Variants in ADH1B observed in about 807,000 individuals in gnomAD.
ADH1B encodes the protein alcohol dehydrogenase 1B (class I), beta polypeptide.
In ADH1B, 29 loss-of-function variants were observed where a neutral mutation model predicts 34.6. The observed-to-expected ratio is 0.84, with a 90% CI of 0.62 to 1.14. The LOEUF (loss-of-function observed/expected upper bound fraction) is 1.14. Ranked by LOEUF, ADH1B falls within the 50% of genes most tolerant of loss-of-function variation. The pLI is 0.00. For missense variants in ADH1B, 424 were observed against 468.4 expected, an observed-to-expected ratio of 0.91 and a Z score of 0.87; for synonymous variants, 170 against 175.5, an observed-to-expected ratio of 0.97 and a Z score of 0.25.
At position 99,319,133 on chromosome 4, in the gene ADH1B, C is replaced by G; in HGVS notation, c.19-247G>C. The G allele has an allele frequency of 7.2e-6, 4 of 555,380 alleles. No individual in the cohort carries two copies. In the South Asian group the frequency reaches 8.0e-5, roughly 11 times the overall value. 34.4% of individuals were successfully genotyped at this position (555,380 alleles called of 1,614,324 possible). On this transcript the variant is annotated intron_variant, in intron 1 of 8. Transcript: ENST00000305046. ...ATGGAATATATTTATTTAGGCCATT[C>G]TTATGTTGTTGTTTTTTCTCTGAAG...
chr4:99,315,236 A>C (rs28913925), intron 5 of ADH1B: 1 of 152,972 alleles, frequency 6.5e-6, no homozygotes, highest in Non-Finnish European at 1.5e-5. Flanking sequence ...AAAATAAAGC[A>C]TACTACTAGA....
intron 8 of ADH1B, 53 bp downstream of exon 8, chr4:99,310,712 C>A: frequency 6.3e-7 from 1 of 1,577,142 alleles, no homozygotes. Flanking sequence ...CTCTGCTAGA[C>A]AATCCCCTAT....
chr4:99,308,964 T>C lies in ADH1B; in HGVS notation c.1104-1100A>G, dbSNP rs1733682347. ...CACATGTACCCTAAAACTTAAAGTATAATAATAATAAAATAAATATAAAAA... is the reference window on the plus strand; with the variant it reads ...CACATGTACCCTAAAACTTAAAGTACAATAATAATAAAATAAATATAAAAA... On this transcript the variant is annotated intron_variant, in intron 8 of 8. Coordinates refer to ENST00000305046, the MANE Select transcript of ADH1B (RefSeq NM_000668.6). Among the ~76,000 whole-genome samples the C allele has an allele frequency of 2.6e-5, 4 of 151,924 alleles. 1 individual carries two copies. Among genetic ancestry groups the C allele is most frequent in the African/African-American group, 7.2e-5 (3 of 41,510 alleles).
At chr4:99,314,865 G>A (rs1733838205) in intron 5 of ADH1B, 1 of 152,172 alleles carries the variant, frequency 6.6e-6, no homozygotes, top group African/African-American at 2.4e-5. Flanking sequence ...TTTTTTCTTT[G>A]TGGTTGGCTA....
chr4:99,316,449 A>G (rs550967136), intron 3 of ADH1B, 147 bp from the exon 4 acceptor site: 7 of 856,640 alleles, frequency 8.2e-6, no homozygotes, highest in East Asian at 2.7e-5. Flanking sequence ...TCATCTTTCA[A>G]TGCCTGCCAC....
Position 99,305,501 on chromosome 4 carries a change from C to CATATATAT in ADH1B, c.*2331_*2338dup, listed in dbSNP as rs71996730. ...AGCCAATACTTTCTACACTGGAATA[C>CATATATAT]ATATATATATATATATATATATACA... On this transcript the variant is annotated 3_prime_UTR_variant, in exon 9 of 9. Coordinates refer to ENST00000305046, the MANE Select transcript of ADH1B (RefSeq NM_000668.6). 503 of 94,246 alleles carry CATATATAT rather than the reference C, an allele frequency of 5.3e-3. 19 individuals carry two copies. Among genetic ancestry groups the CATATATAT allele is most frequent in the African/African-American group, 0.017 (360 of 20,822 alleles). The allele number at this position is 94,246 out of a possible 1,614,324, so 5.8% of individuals were successfully genotyped here.
intron 3 of ADH1B, chr4:99,317,411 C>T (rs1346263307): frequency 6.6e-6 from 1 of 152,162 alleles, no homozygotes; most frequent in Non-Finnish European, 1.5e-5. Context: ...TAACCAGTTG[C>T]ATTTAAGCAT....
At chr4:99,310,538 G>T (rs921981583) in intron 8 of ADH1B, among the ~76,000 whole-genome samples, 4 of 152,104 alleles carry the variant, frequency 2.6e-5, no homozygotes, top group Non-Finnish European at 5.9e-5. Flanking sequence ...TGATCATTCA[G>T]ATTTGCAGTA....
rs1007312871 is a variant in ADH1B, at chr4:99,306,159, C to A, written c.*1681G>T. ...TAGCTGGGATTACAGCCACCTGCCA[C>A]CATGCCTGGCAAATTTTTGTATTTT... On this transcript the variant is annotated 3_prime_UTR_variant, in exon 9 of 9. Coordinates refer to ENST00000305046, the MANE Select transcript of ADH1B (RefSeq NM_000668.6). The A allele has an allele frequency of 1.3e-5, 2 of 152,196 alleles. No homozygotes were observed. Among genetic ancestry groups the A allele is most frequent in the Non-Finnish European group, 2.9e-5 (2 of 68,094 alleles). The allele number at this position is 152,196 out of a possible 1,614,324, so 9.4% of individuals were successfully genotyped here.
intron 8 of ADH1B, among the ~76,000 whole-genome samples, chr4:99,309,609 A>T (rs530402819): frequency 6.6e-6 from 1 of 152,288 alleles, no homozygotes; most frequent in South Asian, 2.1e-4. Flanking sequence ...AATGACTGAT[A>T]ACTAACCTTT....
At chr4:99,321,158 G>T (rs1332019764) in intron 1 of ADH1B, among the ~76,000 whole-genome samples, 156 bp downstream of exon 1, 1 of 152,054 alleles carries the variant, frequency 6.6e-6, no homozygotes, top group African/African-American at 2.4e-5. Flanking sequence ...CTGCAGTTCA[G>T]TATACATTAC....
At chr4:99,314,256 A>G in intron 5 of ADH1B, 175 bp from the exon 6 acceptor site, 3 of 1,084,774 alleles carry the variant, frequency 2.8e-6, no homozygotes, top group East Asian at 2.6e-5. Context: ...AAGGGGATGA[A>G]CTAGTTGAGT....
intron 3 of ADH1B, chr4:99,317,797 G>T: frequency 2.0e-6 from 1 of 510,562 alleles, no homozygotes; most frequent in Non-Finnish European, 3.4e-6. Context: ...ATATCTCCAG[G>T]CTCTAACCTG....
At chr4:99,313,600 C>G in intron 6 of ADH1B, 2 of 745,828 alleles carry the variant, frequency 2.7e-6, no homozygotes, top group Non-Finnish European at 2.1e-6. Flanking sequence ...AAACCCTTTT[C>G]TTTTCCTCTA....
In ADH1B at chr4:99,305,389, C is replaced by T. The variant is rs1174508617; in HGVS notation, c.*2451G>A. On this transcript the variant is annotated 3_prime_UTR_variant, in exon 9 of 9. Transcript: ENST00000305046. Reference sequence around the variant, plus strand: ...TTCTCACAGCCATGCACATTTTCTCCCTGTCTTCAGTCCTGTGTCTGTCAC... The same window carrying T: ...TTCTCACAGCCATGCACATTTTCTCTCTGTCTTCAGTCCTGTGTCTGTCAC... The T allele has an allele frequency of 1.3e-5, 2 of 150,048 alleles. No homozygotes were observed. The highest frequency in any genetic ancestry group is 4.9e-5 in the African/African-American group (2 of 40,666). 9.3% of individuals were successfully genotyped at this position (150,048 alleles called of 1,614,324 possible).
intron 3 of ADH1B, chr4:99,317,839 A>T: frequency 1.4e-6 from 1 of 726,680 alleles, no homozygotes; most frequent in Non-Finnish European, 2.2e-6. Flanking sequence ...CTCGGTACAT[A>T]ATGGTTGAAG....
rs1453016217 is a variant in ADH1B at position 99,306,873 on chromosome 4, C to T, written c.*967G>A. On this transcript the variant is annotated 3_prime_UTR_variant, in exon 9 of 9. Coordinates refer to ENST00000305046, the MANE Select transcript of ADH1B (RefSeq NM_000668.6). ...TATATATGTATGTGTATATATATAT[C>T]TACTAGGAAAATATATTGCTTAAGG... 6.6e-6 allele frequency: 1 copy of T among 152,054 alleles called. No homozygotes were observed. Among genetic ancestry groups the T allele is most frequent in the African/African-American group, 2.4e-5 (1 of 41,398 alleles). The allele number at this position is 152,054 out of a possible 1,614,324, so 9.4% of individuals were successfully genotyped here. A position where few individuals can be genotyped will look rare whatever the true frequency, so the allele number is the denominator to read the frequency against.
Position 99,307,859 on chromosome 4 carries a change from C to T in ADH1B, c.1109G>A (p.Arg370His), listed in dbSNP as rs75967634. ...FDLLHSGKSI[R>H]TVLTF ...ATTGCCTCAAAACGTCAGGACGGTA[C>T]GGATACTGCAATAGGAAAGAAGAGA... Residue 370 changes from arginine (R) to histidine (H), a missense_variant, in exon 9 of 9, where the codon CGT (arginine) becomes CAT (histidine). By Grantham distance (29) the Arg-to-His change is conservative (BLOSUM62 0). Coordinates refer to ENST00000305046, the MANE Select transcript of ADH1B (RefSeq NM_000668.6). The T allele has an allele frequency of 3.1e-3, 4,971 of 1,613,708 alleles. 19 individuals carry two copies. The highest frequency in any genetic ancestry group is 4.8e-3 in the South Asian group (438 of 91,044).
chr4:99,318,997 C>A (rs889374434), intron 1 of ADH1B, 111 bp from the exon 2 acceptor site: 1 of 1,150,046 alleles, frequency 8.7e-7, no homozygotes, highest in Non-Finnish European at 1.3e-6. Context: ...TGGTACCTAA[C>A]AAGTGCTCCA....
Sources: gnomAD v4.1 joint callset for allele counts (sites outside exome capture counted in the v4.1 genomes callset) on GRCh38, gnomAD v4.1.1 for gene constraint, MANE v1.5 for transcripts, NCBI Gene and HGNC (gene_info 2026-07-23, HGNC 2026-07-21) for gene names.